The following GRM7 variants were observed in gnomAD, a reference collection of about 807,000 sequenced individuals.
GRM7 encodes metabotropic glutamate receptor 7.
In GRM7, 35 loss-of-function variants were observed where a neutral mutation model predicts 84.5. The ratio of observed to expected loss-of-function variants is 0.41; its 90% CI spans 0.32 to 0.55. GRM7 has a LOEUF of 0.55. GRM7 is among the 20% of genes least tolerant of loss of function. The probability of loss-of-function intolerance (pLI) is 0.19; values close to 1 mark genes in which losing one functional copy is unlikely to be tolerated. For missense variants in GRM7, 1,003 were observed against 1,194.6 expected, an observed-to-expected ratio of 0.84 and a Z score of 2.36; for synonymous variants, 487 against 455.1, an observed-to-expected ratio of 1.07 and a Z score of -0.89.
chr3:7,214,488 C>T (rs973341660), intron 2 of GRM7, among the ~76,000 whole-genome samples: 3 of 152,156 alleles, frequency 2.0e-5, no homozygotes, highest in Non-Finnish European at 2.9e-5. Flanking sequence ...TTCTGGATAA[C>T]GGAGCTATGT....
At chr3:6,979,418 C>G (rs1694114460) in intron 1 of GRM7, among the ~76,000 whole-genome samples, 1 of 152,080 alleles carries the variant, frequency 6.6e-6, no homozygotes, top group African/African-American at 2.4e-5. Flanking sequence ...ACAAACATAC[C>G]CATAGACATG....
chr3:7,626,190 G>A (rs187810169), intron 8 of GRM7, among the ~76,000 whole-genome samples: 91 of 152,170 alleles, frequency 6.0e-4, no homozygotes, highest in African/African-American at 1.4e-3. Context: ...CTGAGCCCTC[G>A]TCCCTCCCCT....
chr3:7,435,184 G>A (rs548627908), intron 5 of GRM7, among the ~76,000 whole-genome samples: 138 of 151,560 alleles, frequency 9.1e-4, no homozygotes, highest in Non-Finnish European at 8.3e-4. Context: ...TTGGGCGGGG[G>A]ACAGTGTCTC....
In GRM7 at chr3:7,515,218, A is replaced by AG. The variant is rs1215602788; in HGVS notation, c.1515+53496_1515+53497insG. Among the ~76,000 whole-genome samples, 10 of 152,060 alleles carry AG rather than the reference A, an allele frequency of 6.6e-5. No individual in the cohort carries two copies. The South Asian group carries it at 1.9e-3, about 28-fold the overall frequency. On this transcript the variant is annotated intron_variant, in intron 7 of 9. Transcript: ENST00000357716. ...GTGTTGAATGTAGAAGGACAAAAAA[A>AG]AAAAAAAAAAGACATCAAATATTTT...
intron 1 of GRM7, among the ~76,000 whole-genome samples, chr3:6,876,339 T>C (rs1424476464): frequency 6.6e-6 from 1 of 152,096 alleles, no homozygotes; most frequent in Admixed American, 6.6e-5. Context: ...GGCTTTCCTG[T>C]TTGTTTGCTT....
At chr3:7,137,407 C>G (rs1350033459) in intron 1 of GRM7, among the ~76,000 whole-genome samples, 1 of 151,858 alleles carries the variant, frequency 6.6e-6, no homozygotes, top group Non-Finnish European at 1.5e-5. Flanking sequence ...TGTTTTTATT[C>G]CCTGTTTGCT....
At chr3:7,735,666 T>C (rs1387395998) in intron 9 of GRM7, among the ~76,000 whole-genome samples, 2 of 152,156 alleles carry the variant, frequency 1.3e-5, no homozygotes, top group Admixed American at 1.3e-4. Flanking sequence ...TAAAGTCCTA[T>C]TGTGGTAACA....
At chr3:7,633,561 G>C (rs1314943693) in intron 8 of GRM7, among the ~76,000 whole-genome samples, 1 of 152,100 alleles carries the variant, frequency 6.6e-6, no homozygotes, top group Non-Finnish European at 1.5e-5. Context: ...GGGTATTTAG[G>C]AGGAGGGAGG....
At chr3:7,691,462 G>T (rs1374494081) in intron 9 of GRM7, 2 of 270,420 alleles carry the variant, frequency 7.4e-6, no homozygotes, top group Non-Finnish European at 7.4e-6. Context: ...ATCACTTAAT[G>T]GATCTCTGAT....
At chr3:7,545,532 G>C (rs977625902) in intron 7 of GRM7, among the ~76,000 whole-genome samples, 3 of 152,222 alleles carry the variant, frequency 2.0e-5, no homozygotes, top group African/African-American at 7.2e-5. Context: ...GCACAATGCA[G>C]TAGTGGCTTA....
At chr3:7,133,088 G>A (rs1193024969) in intron 1 of GRM7, among the ~76,000 whole-genome samples, 2 of 152,124 alleles carry the variant, frequency 1.3e-5, no homozygotes, top group Admixed American at 1.3e-4. Context: ...AACGGACTCA[G>A]CACTGCAGCT....
intron 2 of GRM7, among the ~76,000 whole-genome samples, chr3:7,284,284 T>TTGTG (rs1313901735): frequency 7.2e-5 from 5 of 69,262 alleles, no homozygotes; most frequent in African/African-American, 3.4e-4. Context: ...GCATGCTCAC[T>TTGTG]CGTGTGTGTG....
At chr3:7,113,546 T>G (rs1115021) in intron 1 of GRM7, among the ~76,000 whole-genome samples, 1 of 151,998 alleles carries the variant, frequency 6.6e-6, no homozygotes, top group Non-Finnish European at 1.5e-5. Context: ...CTTGATGAAC[T>G]TACAATGACA....
At chr3:7,384,448 T>C (rs1030190254) in intron 4 of GRM7, among the ~76,000 whole-genome samples, 15 of 152,184 alleles carry the variant, frequency 9.9e-5, no homozygotes, top group Non-Finnish European at 1.9e-4. Flanking sequence ...TGCTGTCCAA[T>C]AGAAATATAA....
chr3:7,400,491 A>G (rs1363392840), intron 4 of GRM7, among the ~76,000 whole-genome samples: 10 of 152,112 alleles, frequency 6.6e-5, no homozygotes, highest in African/African-American at 2.4e-4. Flanking sequence ...TGTTCTGTAC[A>G]TCAAACACCC....
intron 2 of GRM7, among the ~76,000 whole-genome samples, chr3:7,209,699 G>T (rs1475027052): frequency 6.6e-6 from 1 of 152,136 alleles, no homozygotes; most frequent in African/African-American, 2.4e-5. Flanking sequence ...CAGGAGGAAG[G>T]GCTTAAAACT....
chr3:7,133,653 C>T (rs1291590155), intron 1 of GRM7, among the ~76,000 whole-genome samples: 1 of 152,098 alleles, frequency 6.6e-6, no homozygotes, highest in African/African-American at 2.4e-5. Context: ...GCTCTTGAGG[C>T]CTGGAAGAAG....
chr3:6,975,513 T>G (rs536428537), intron 1 of GRM7, among the ~76,000 whole-genome samples: 1 of 152,260 alleles, frequency 6.6e-6, no homozygotes, highest in South Asian at 2.1e-4. Flanking sequence ...GCATGCACAT[T>G]TATTTGAGCA....
intron 1 of GRM7, among the ~76,000 whole-genome samples, chr3:7,066,237 A>T (rs1022682107): frequency 2.6e-5 from 4 of 151,932 alleles, no homozygotes; most frequent in African/African-American, 9.7e-5. Context: ...ATGAAACAAA[A>T]AGCTGGTTCT....
Sources: allele counts gnomAD v4.1 joint callset (sites outside exome capture counted in the v4.1 genomes callset), GRCh38; gene constraint gnomAD v4.1.1; transcripts MANE v1.5; gene names NCBI Gene and HGNC (gene_info 2026-07-23, HGNC 2026-07-21).